TTC33: variants seen among roughly 807,000 people sequenced by gnomAD.
TTC33 encodes tetratricopeptide repeat domain 33.
In TTC33, 24 loss-of-function variants were observed where a neutral mutation model predicts 29.4. That is an observed-to-expected ratio of 0.82 (90% CI 0.59 to 1.15). The LOEUF is 1.15. Ranked by LOEUF, TTC33 falls within the 50% of genes most tolerant of loss-of-function variation. The pLI is 0.00. For missense variants in TTC33, 286 were observed against 310.4 expected (o/e 0.92, Z 0.59); for synonymous variants, 107 against 100.3 (o/e 1.07, Z -0.40).
chr5:40,716,881 T>C (rs1742012588), intron 4 of TTC33, among the ~76,000 whole-genome samples: 1 of 152,202 alleles, frequency 6.6e-6, no homozygotes, highest in African/African-American at 2.4e-5. Context: ...ACAGTTTAGA[T>C]CCTAACAATG....
intron 1 of TTC33, among the ~76,000 whole-genome samples, chr5:40,754,156 G>A (rs189179759): frequency 1.5e-4 from 23 of 152,256 alleles, no homozygotes; most frequent in Non-Finnish European, 1.2e-4. Flanking sequence ...CGCCACTATT[G>A]CCTCAGGTGT....
intron 1 of TTC33, among the ~76,000 whole-genome samples, chr5:40,755,176 T>G (rs1742962366): frequency 6.6e-6 from 1 of 152,270 alleles, no homozygotes; most frequent in African/African-American, 2.4e-5. Flanking sequence ...GCTCAACAAC[T>G]GGCGACGGCT....
At chr5:40,741,611 T>C (rs1450766336) in intron 2 of TTC33, among the ~76,000 whole-genome samples, 1 of 152,126 alleles carries the variant, frequency 6.6e-6, no homozygotes, top group African/African-American at 2.4e-5. Context: ...CCAATCTCCA[T>C]CTCCTCACGC....
intron 4 of TTC33, among the ~76,000 whole-genome samples, chr5:40,719,611 G>C (rs1742083151): frequency 6.6e-6 from 1 of 152,062 alleles, no homozygotes; most frequent in Admixed American, 6.5e-5. Flanking sequence ...TCATTTTTTT[G>C]AGGAGCTGCC....
At position 40,713,778 on chromosome 5, in the gene TTC33, T is replaced by C. The variant is rs1359902585; in HGVS notation, c.*2367A>G. ...TTTCAGAAAGTATATTAAACATCTATATCATTATCATGAACATCAATTCTC... is the reference window on the plus strand; with the variant it reads ...TTTCAGAAAGTATATTAAACATCTACATCATTATCATGAACATCAATTCTC... On this transcript the variant is annotated 3_prime_UTR_variant, in exon 5 of 5. Transcript: ENST00000337702. Among the ~76,000 whole-genome samples the C allele has an allele frequency of 6.6e-6, 1 of 152,182 alleles. No homozygotes were observed. The highest frequency in any genetic ancestry group is 2.4e-5 in the African/African-American group (1 of 41,448).
At chr5:40,753,896 C>T (rs1181615777) in intron 1 of TTC33, among the ~76,000 whole-genome samples, 1 of 150,136 alleles carries the variant, frequency 6.7e-6, no homozygotes, top group Non-Finnish European at 1.5e-5. Flanking sequence ...CAATAAAAAT[C>T]ATTGATCAAA....
At chr5:40,752,556 G>A (rs768983200) in intron 1 of TTC33, among the ~76,000 whole-genome samples, 1 of 152,168 alleles carries the variant, frequency 6.6e-6, no homozygotes, top group African/African-American at 2.4e-5. Flanking sequence ...GAGACCCAAG[G>A]AGAAGAAGAG....
intron 2 of TTC33, among the ~76,000 whole-genome samples, chr5:40,734,531 C>CTA (rs1742504257): frequency 6.6e-6 from 1 of 152,132 alleles, no homozygotes; most frequent in Admixed American, 6.5e-5. Context: ...AGATAATGCC[C>CTA]TATACTGAGG....
At chr5:40,730,193 T>A in intron 3 of TTC33, 69 bp downstream of exon 3, 2 of 1,208,528 alleles carry the variant, frequency 1.7e-6, no homozygotes, top group Middle Eastern at 4.1e-4. Flanking sequence ...TTTTGCTTCA[T>A]CATTGCTCAC....
intron 1 of TTC33, among the ~76,000 whole-genome samples, chr5:40,749,955 G>A (rs1742863790): frequency 6.6e-6 from 1 of 152,046 alleles, no homozygotes. Flanking sequence ...GGGCGTGGTG[G>A]CATGTGCCTG....
At chr5:40,731,901 T>C (rs889696351) in intron 2 of TTC33, among the ~76,000 whole-genome samples, 7 of 152,234 alleles carry the variant, frequency 4.6e-5, no homozygotes, top group Non-Finnish European at 8.8e-5. Flanking sequence ...ACACTTATAT[T>C]TCCAAAGCAT....
intron 1 of TTC33, among the ~76,000 whole-genome samples, chr5:40,751,017 C>T (rs1255521260): frequency 3.9e-5 from 6 of 152,310 alleles, no homozygotes; most frequent in Middle Eastern, 6.8e-3. Flanking sequence ...TCAACTTCTT[C>T]CAAATTCCTG....
In TTC33 at chr5:40,714,027, C is replaced by T. The variant is rs1741949429; in HGVS notation, c.*2118G>A. ...GTCTTATGTCTAAACTATTTTATGT[C>T]TTATATCTGGGTAAGAAAGAGACTA... On this transcript the variant is annotated 3_prime_UTR_variant, in exon 5 of 5. Transcript: ENST00000337702. Among the ~76,000 whole-genome samples the T allele has an allele frequency of 6.6e-6, 1 of 152,064 alleles. No individual in the cohort carries two copies.
chr5:40,726,624 A>G (rs1450078088), intron 4 of TTC33, among the ~76,000 whole-genome samples: 1 of 152,014 alleles, frequency 6.6e-6, no homozygotes. Context: ...CAGAAAAAAA[A>G]AAAGTCGAAC....
At chr5:40,733,183 G>T (rs889360513) in intron 2 of TTC33, among the ~76,000 whole-genome samples, 1 of 152,142 alleles carries the variant, frequency 6.6e-6, no homozygotes, top group African/African-American at 2.4e-5. Context: ...ACAAAAACAT[G>T]AGAATTCTAC....
Position 40,730,281 on chromosome 5 carries a change from A to G in TTC33, c.284T>C (p.Leu95Pro). The change falls in exon 3 of 5, where the codon CTA (leucine) becomes CCA (proline). Residue 95 changes from leucine to proline, a missense_variant. By Grantham distance (98) the Leu-to-Pro change is moderately conservative (BLOSUM62 -3). Transcript: ENST00000337702. ...TATTACCTGTGATTTCATCTCGTATAGGGTAGCATCATTTGGAGTTAACTG... is the reference window on the plus strand; with the variant it reads ...TATTACCTGTGATTTCATCTCGTATGGGGTAGCATCATTTGGAGTTAACTG... Reference protein sequence around the residue: ...ALQLTPNDATLYEMKSQVLMS... With the variant: ...ALQLTPNDATPYEMKSQVLMS... 6.2e-7 allele frequency: 1 copy of G among 1,607,610 alleles called. No individual in the cohort carries two copies. The highest frequency in any genetic ancestry group is 8.5e-7 in the Non-Finnish European group (1 of 1,175,994).
At chr5:40,746,648 T>C (rs990186587) in intron 2 of TTC33, 150 bp downstream of exon 2, 2 of 624,416 alleles carry the variant, frequency 3.2e-6, no homozygotes, top group South Asian at 2.9e-5. Flanking sequence ...TTCAGGTGAC[T>C]TTGAAACACC....
At chr5:40,749,749 C>T (rs529122904) in intron 1 of TTC33, among the ~76,000 whole-genome samples, 2 of 152,180 alleles carry the variant, frequency 1.3e-5, no homozygotes, top group African/African-American at 4.8e-5. Context: ...GTTATGTTTA[C>T]ACTATACTAT....
rs755328365 is a variant in TTC33 at position 40,730,340 on chromosome 5, A to G, written c.225T>C (p.Tyr75=). ...CATCCCACTTCTGAATTGCCTCCCG[A>G]TATCTGTGGTTGTTAAAGTTATATC... ...EGASLAENKR[Y]REAIQKWDEA... The change falls in exon 3 of 5, where the codon TAT becomes TAC. Residue 75 remains tyrosine (Y), a synonymous_variant. Coordinates refer to ENST00000337702, the MANE Select transcript of TTC33 (RefSeq NM_012382.3). The G allele has an allele frequency of 8.7e-6, 14 of 1,612,646 alleles. No homozygotes were observed. The highest frequency in any genetic ancestry group is 1.0e-5 in the Non-Finnish European group (12 of 1,179,136).
Sources: allele counts gnomAD v4.1 joint callset (sites outside exome capture counted in the v4.1 genomes callset), GRCh38; gene constraint gnomAD v4.1.1; transcripts MANE v1.5; gene names NCBI Gene and HGNC (gene_info 2026-07-23, HGNC 2026-07-21).